Variants in CCSER1 observed in about 807,000 individuals in gnomAD.
CCSER1 encodes serine-rich coiled-coil domain-containing protein 1.
In CCSER1, 41 loss-of-function variants were observed where a neutral mutation model predicts 82.0. That is an observed-to-expected ratio of 0.50 (90% CI 0.39 to 0.65). The LOEUF (loss-of-function observed/expected upper bound fraction) is 0.65. CCSER1 is among the 30% of genes least tolerant of loss of function. The pLI, the probability that CCSER1 is intolerant of heterozygous loss-of-function variation, is 0.00. For synonymous variants in CCSER1, 414 were observed against 383.9 expected (o/e 1.08, Z -0.92); for missense variants, 1,119 against 1,064.2 (o/e 1.05, Z -0.72).
At chr4:90,710,508 A>G (rs1226278832) in intron 6 of CCSER1, among the ~76,000 whole-genome samples, 1 of 152,082 alleles carries the variant, frequency 6.6e-6, no homozygotes, top group Non-Finnish European at 1.5e-5. Flanking sequence ...ATTTTTGTAT[A>G]TGGTGTAAGG....
chr4:90,299,673 A>C lies in CCSER1; in HGVS notation c.-41-8571A>C, dbSNP rs1373581906. Among the ~76,000 whole-genome samples, 3 of 152,016 alleles carry C rather than the reference A, an allele frequency of 2.0e-5. No individual in the cohort carries two copies. In the East Asian group the frequency reaches 5.8e-4, roughly 29 times the overall value. ...GCCTCCATTATTTTCCCATTTATTT[A>C]AGGGGAAACAGCAAAACATTTTGGA... On this transcript the variant is annotated intron_variant, in intron 1 of 10. Transcript: ENST00000509176.
chr4:91,499,366 T>C (rs1277246091), intron 10 of CCSER1, among the ~76,000 whole-genome samples: 2 of 151,618 alleles, frequency 1.3e-5, no homozygotes, highest in Non-Finnish European at 2.9e-5. Flanking sequence ...AGGCAGAAGG[T>C]GCAGAGATTT....
At chr4:90,262,484 C>T (rs1283675048) in intron 1 of CCSER1, among the ~76,000 whole-genome samples, 1 of 151,940 alleles carries the variant, frequency 6.6e-6, no homozygotes, top group South Asian at 2.1e-4. Flanking sequence ...TTTCATTGCC[C>T]CATCGTATGC....
At chr4:90,499,864 G>A (rs1186748785) in intron 5 of CCSER1, among the ~76,000 whole-genome samples, 1 of 152,034 alleles carries the variant, frequency 6.6e-6, no homozygotes, top group Non-Finnish European at 1.5e-5. Context: ...TTCTCCTTTG[G>A]GGTTAATTCA....
At chr4:90,350,439 G>T (rs1743223843) in intron 3 of CCSER1, among the ~76,000 whole-genome samples, 1 of 152,030 alleles carries the variant, frequency 6.6e-6, no homozygotes. Flanking sequence ...AAAGTAATTG[G>T]ACAAGATGAA....
intron 9 of CCSER1, among the ~76,000 whole-genome samples, chr4:90,966,644 G>A (rs561638037): frequency 9.2e-5 from 14 of 152,224 alleles, no homozygotes; most frequent in Non-Finnish European, 1.9e-4. Flanking sequence ...AATTGAATCC[G>A]TGGAAGGGAT....
chr4:90,309,641 T>A, intron 2 of CCSER1, 33 bp downstream of exon 2: 1 of 1,457,498 alleles, frequency 6.9e-7, no homozygotes, highest in African/African-American at 1.4e-5. Flanking sequence ...ACAAATGATA[T>A]GAATTAATTT....
At chr4:91,446,353 T>C (rs1489864803) in intron 10 of CCSER1, among the ~76,000 whole-genome samples, 1 of 152,074 alleles carries the variant, frequency 6.6e-6, no homozygotes, top group Non-Finnish European at 1.5e-5. Context: ...CATTTTGAAC[T>C]ACCAAGTTTT....
chr4:91,000,219 G>GGTATAGTATAGTATA (rs60452811), intron 9 of CCSER1, among the ~76,000 whole-genome samples: 22 of 127,668 alleles, frequency 1.7e-4, no homozygotes, highest in Non-Finnish European at 3.2e-4. Flanking sequence ...GTATAGTATA[G>GGTATAGTATAGTATA]GTATAGTATA....
At position 91,163,317 on chromosome 4, in the gene CCSER1, C is replaced by G. The variant is rs183419070; in HGVS notation, c.2217+77323C>G. ...GAGACAGTTTGTTGTGATGTCTGTT[C>G]TTTTACATTGGCTGAGGAGTGCTTT... On this transcript the variant is annotated intron_variant, in intron 10 of 10. Transcript: ENST00000509176. Among the ~76,000 whole-genome samples, 94 of 152,300 alleles carry G rather than the reference C, an allele frequency of 6.2e-4. 1 individual carries two copies. Among genetic ancestry groups the G allele is most frequent in the Non-Finnish European group, 1.1e-3 (75 of 68,034 alleles).
chr4:91,198,836 A>G (rs1735668834), intron 10 of CCSER1, among the ~76,000 whole-genome samples: 1 of 152,162 alleles, frequency 6.6e-6, no homozygotes, highest in Non-Finnish European at 1.5e-5. Flanking sequence ...TTATTTGCTG[A>G]CGTAATAATG....
At chr4:91,052,432 A>C in intron 9 of CCSER1, among the ~76,000 whole-genome samples, 1 of 152,130 alleles carries the variant, frequency 6.6e-6, no homozygotes, top group East Asian at 1.9e-4. Context: ...AAAAATATAT[A>C]ATCTATTGTA....
chr4:91,498,231 T>TA (rs1395175344), intron 10 of CCSER1, among the ~76,000 whole-genome samples: 6 of 151,996 alleles, frequency 3.9e-5, no homozygotes, highest in Non-Finnish European at 5.9e-5. Context: ...AAAGAAAATT[T>TA]AGATATTTCA....
At chr4:91,587,653 G>A (rs1169492002) in intron 10 of CCSER1, among the ~76,000 whole-genome samples, 1 of 151,560 alleles carries the variant, frequency 6.6e-6, no homozygotes, top group African/African-American at 2.4e-5. Context: ...ATAACAAAAT[G>A]GCTGGCATGT....
rs139592618 is a variant in CCSER1 at position 90,760,662 on chromosome 4, C to T, written c.2010+36671C>T. ...AGAAATGTTCTATATCATTAAGGAA[C>T]CAAATAGTCTAGTGATTAAAAATAC... On this transcript the variant is annotated intron_variant, in intron 7 of 10. Transcript: ENST00000509176. Among the ~76,000 whole-genome samples the T allele has an allele frequency of 5.8e-3, 888 of 152,010 alleles. 8 individuals carry two copies. Among genetic ancestry groups the T allele is most frequent in the African/African-American group, 0.02 (844 of 41,476 alleles).
intron 8 of CCSER1, among the ~76,000 whole-genome samples, chr4:90,892,151 G>C (rs1432195746): frequency 2.0e-5 from 3 of 151,982 alleles, no homozygotes; most frequent in Non-Finnish European, 4.4e-5. Flanking sequence ...TTAATTACTG[G>C]CTTCACAAAA....
At chr4:91,233,623 T>G (rs575370334) in intron 10 of CCSER1, among the ~76,000 whole-genome samples, 1 of 151,950 alleles carries the variant, frequency 6.6e-6, no homozygotes, top group African/African-American at 2.4e-5. Context: ...CAATATTGTC[T>G]TACACAAAGG....
intron 3 of CCSER1, among the ~76,000 whole-genome samples, chr4:90,371,552 A>G (rs1448293921): frequency 1.3e-5 from 2 of 152,070 alleles, no homozygotes; most frequent in South Asian, 2.1e-4. Context: ...CAAAGAAAAA[A>G]AACAGTTATG....
chr4:90,904,586 G>T (rs1426681704), intron 8 of CCSER1, among the ~76,000 whole-genome samples: 2 of 152,068 alleles, frequency 1.3e-5, no homozygotes, highest in Non-Finnish European at 2.9e-5. Context: ...ATGCCTGAAT[G>T]CTCTGGCATT....
Sources: allele counts gnomAD v4.1 joint callset (sites outside exome capture counted in the v4.1 genomes callset), GRCh38; gene constraint gnomAD v4.1.1; transcripts MANE v1.5; gene names NCBI Gene and HGNC (gene_info 2026-07-23, HGNC 2026-07-21).